The following NTN4 variants were observed in gnomAD, a reference collection of about 807,000 sequenced individuals.
NTN4 encodes netrin 4.
Under a neutral mutation model 73.6 loss-of-function variants are expected in NTN4, and 32 were observed. The observed-to-expected ratio is 0.44, with a 90% CI of 0.33 to 0.58. NTN4 has a LOEUF of 0.58. Among genes scored for constraint, NTN4 ranks in the 20% least tolerant of loss-of-function variants. NTN4 has a pLI of 0.04. For missense variants in NTN4, 654 were observed against 798.3 expected, an observed-to-expected ratio of 0.82 and a Z score of 2.18; for synonymous variants, 258 against 287.5, an observed-to-expected ratio of 0.90 and a Z score of 1.04.
Position 95,787,076 on chromosome 12 carries a change from A to G in NTN4, c.448T>C (p.Phe150Leu), listed in dbSNP as rs1220629112. Reference protein sequence around the residue: ...AAMVLDRSQDFGKTWKPYKYF... With the variant: ...AAMVLDRSQDLGKTWKPYKYF... ...TTATAAGGCTTCCATGTTTTCCCAA[A>G]GTCCTGGGAGCGGTCCAGCACCATG... The change falls in exon 2 of 10, where the codon TTT (phenylalanine) becomes CTT (leucine). Residue 150 changes from phenylalanine (F) to leucine (L), a missense_variant. Coordinates refer to ENST00000343702, the MANE Select transcript of NTN4 (RefSeq NM_021229.4). 1 of 1,614,214 alleles carries G rather than the reference A, an allele frequency of 6.2e-7. No individual in the cohort carries two copies. The highest frequency in any genetic ancestry group is 1.7e-5 in the Admixed American group (1 of 60,024).
At chr12:95,667,071 C>T (rs2078186145) in intron 8 of NTN4, among the ~76,000 whole-genome samples, 1 of 152,142 alleles carries the variant, frequency 6.6e-6, no homozygotes, top group African/African-American at 2.4e-5. Context: ...TTCTATTACG[C>T]CCTCCCATTG....
intron 2 of NTN4, among the ~76,000 whole-genome samples, chr12:95,780,851 C>CCT (rs2079127483): frequency 6.6e-6 from 1 of 151,808 alleles, no homozygotes; most frequent in Non-Finnish European, 1.5e-5. Context: ...TACATGCACA[C>CCT]ATGTTTATTG....
intron 3 of NTN4, among the ~76,000 whole-genome samples, chr12:95,734,872 T>G (rs2078763773): frequency 1.3e-5 from 2 of 152,060 alleles, no homozygotes; most frequent in Admixed American, 1.3e-4. Context: ...AAACCCCATC[T>G]CTACTAAAAA....
Position 95,790,128 on chromosome 12 carries a change from C to A in NTN4, c.55+127G>T. The A allele has an allele frequency of 1.4e-6, 1 of 714,114 alleles. No individual in the cohort carries two copies. The highest frequency in any genetic ancestry group is 3.4e-5 in the East Asian group (1 of 29,660). 44.2% of individuals were successfully genotyped at this position (714,114 alleles called of 1,614,324 possible). A position where few individuals can be genotyped will look rare whatever the true frequency, so the allele number is the denominator to read the frequency against. ...CCGGGGAAAGGAGGCGGAACATGGC[C>A]ACTCATTTCACCCTCGGGAGCAGCG... On this transcript the variant is annotated intron_variant, in intron 1 of 9. Transcript: ENST00000343702. This position sits in a 1 kb window ranked among gnomAD's most constrained non-coding sequence, Gnocchi z 6.5.
intron 5 of NTN4, among the ~76,000 whole-genome samples, chr12:95,686,293 AT>A (rs2078360504): frequency 1.3e-5 from 2 of 152,190 alleles, no homozygotes; most frequent in South Asian, 4.1e-4. Context: ...TAAATAAAAG[AT>A]TTCCATACAT....
chr12:95,720,812 T>G (rs2078642427), intron 3 of NTN4, among the ~76,000 whole-genome samples: 1 of 152,218 alleles, frequency 6.6e-6, no homozygotes, highest in Non-Finnish European at 1.5e-5. Context: ...GTGGGTCAGT[T>G]ATGGACCTGA....
At chr12:95,702,149 G>A (rs1008502431) in intron 5 of NTN4, among the ~76,000 whole-genome samples, 3 of 151,688 alleles carry the variant, frequency 2.0e-5, no homozygotes, top group South Asian at 4.2e-4. Context: ...GTGTGGTGAC[G>A]AGCACCTGTA....
chr12:95,749,248 C>A (rs2078885661), intron 2 of NTN4, among the ~76,000 whole-genome samples: 1 of 152,222 alleles, frequency 6.6e-6, no homozygotes, highest in Non-Finnish European at 1.5e-5. Flanking sequence ...TCACACAAAG[C>A]CTGTTTGGTG....
At chr12:95,666,434 A>G (rs895071846) in intron 8 of NTN4, among the ~76,000 whole-genome samples, 12 of 152,156 alleles carry the variant, frequency 7.9e-5, no homozygotes, top group Non-Finnish European at 1.5e-5. Context: ...ATAAAATAAA[A>G]ATACTGAATT....
intron 4 of NTN4, among the ~76,000 whole-genome samples, chr12:95,712,042 A>G (rs370904990): frequency 7.2e-5 from 11 of 152,360 alleles, no homozygotes; most frequent in East Asian, 1.9e-4. Context: ...CAAATCAGTT[A>G]TGACTCCAAA....
chr12:95,775,875 C>T (rs565156014), intron 2 of NTN4, among the ~76,000 whole-genome samples: 1 of 152,314 alleles, frequency 6.6e-6, no homozygotes, highest in Admixed American at 6.5e-5. Flanking sequence ...GAATGGACAG[C>T]CTGCCTCCTG....
Position 95,694,935 on chromosome 12 carries a change from C to G in NTN4, c.1181-11224G>C, listed in dbSNP as rs544015754. Among the ~76,000 whole-genome samples the G allele has an allele frequency of 2.0e-5, 3 of 152,234 alleles. No homozygotes were observed. The East Asian group carries it at 5.8e-4, about 29-fold the overall frequency. On this transcript the variant is annotated intron_variant, in intron 5 of 9. Transcript: ENST00000343702. ...TTGAGGCCAGGAGTTCAAGACCAGTCTGGTCATCATGGTGAAACCCCATCT... is the reference window on the plus strand; with the variant it reads ...TTGAGGCCAGGAGTTCAAGACCAGTGTGGTCATCATGGTGAAACCCCATCT...
intron 3 of NTN4, among the ~76,000 whole-genome samples, chr12:95,722,633 A>G (rs773010425): frequency 3.3e-5 from 5 of 151,944 alleles, no homozygotes; most frequent in Non-Finnish European, 7.4e-5. Flanking sequence ...GAAAAACAAA[A>G]CAAAAACCTC....
chr12:95,696,994 A>G (rs2078447066), intron 5 of NTN4, among the ~76,000 whole-genome samples: 1 of 151,870 alleles, frequency 6.6e-6, no homozygotes, highest in Admixed American at 6.6e-5. Flanking sequence ...ACACAGCAAG[A>G]GCCCCTCTCT....
At chr12:95,723,220 C>G (rs2078663270) in intron 3 of NTN4, among the ~76,000 whole-genome samples, 1 of 151,620 alleles carries the variant, frequency 6.6e-6, no homozygotes, top group African/African-American at 2.4e-5. Flanking sequence ...TTTGGGAAAC[C>G]TTACTACCAA....
At chr12:95,673,119 G>A in intron 7 of NTN4, 1 of 987,280 alleles carries the variant, frequency 1.0e-6, no homozygotes, top group Non-Finnish European at 1.6e-6. Context: ...TGCCTGGTGT[G>A]TCCCTCTGCT....
Position 95,790,052 on chromosome 12 carries a change from T to C in NTN4, c.55+203A>G, listed in dbSNP as rs2079196778. 6.5e-6 allele frequency: 3 copies of C among 458,354 alleles called. No homozygotes were observed. In the Admixed American group the frequency reaches 1.3e-4, roughly 20 times the overall value. 28.4% of individuals were successfully genotyped at this position (458,354 alleles called of 1,614,324 possible). The stretch of plus-strand genomic sequence containing the variant: ...CAGGATAGCTGGTTATCCAAGCGCA[T>C]GTGTATCCCAGTTGTAAAAATAAAT... On this transcript the variant is annotated intron_variant, in intron 1 of 9. Coordinates refer to ENST00000343702, the MANE Select transcript of NTN4 (RefSeq NM_021229.4). This position sits in a 1 kb window ranked among gnomAD's most constrained non-coding sequence, Gnocchi z 6.5.
At chr12:95,666,290 G>A (rs1171876571) in intron 8 of NTN4, among the ~76,000 whole-genome samples, 2 of 152,086 alleles carry the variant, frequency 1.3e-5, no homozygotes, top group Admixed American at 1.3e-4. Flanking sequence ...GAGGGGATAA[G>A]GGATAAAAGA....
chr12:95,788,138 A>C (rs1036517498), intron 1 of NTN4, among the ~76,000 whole-genome samples: 2 of 152,204 alleles, frequency 1.3e-5, no homozygotes, highest in Admixed American at 1.3e-4. Flanking sequence ...ATCAGTTTCT[A>C]ACATTACATA....
Sources: gnomAD v4.1 joint callset for allele counts (sites outside exome capture counted in the v4.1 genomes callset) on GRCh38, gnomAD v4.1.1 for gene constraint, Gnocchi (gnomAD v3.1) non-coding constraint, MANE v1.5 for transcripts, NCBI Gene and HGNC (gene_info 2026-07-23, HGNC 2026-07-21) for gene names.